Variants in TPRG1 observed in about 807,000 individuals in gnomAD.
The protein encoded by TPRG1 is tumor protein p63-regulated gene 1 protein.
TPRG1 carries 29 observed loss-of-function variants against 29.3 expected under a neutral mutation model. The observed-to-expected ratio is 0.99, with a 90% confidence interval of 0.74 to 1.35. The LOEUF is 1.35. Ranked by LOEUF, TPRG1 falls within the 40% of genes most tolerant of loss-of-function variation. The pLI, the probability that TPRG1 is intolerant of heterozygous loss-of-function variation, is 0.00. For synonymous variants in TPRG1, 130 were observed against 116.8 expected, an observed-to-expected ratio of 1.11 and a Z score of -0.73; for missense variants, 327 against 335.0, an observed-to-expected ratio of 0.98 and a Z score of 0.19.
At chr3:189,117,151 A>G (rs1410172791) in intron 1 of TPRG1, among the ~76,000 whole-genome samples, 1 of 152,158 alleles carries the variant, frequency 6.6e-6, no homozygotes, top group Non-Finnish European at 1.5e-5. Flanking sequence ...TGGGACTTAT[A>G]ATCTCAGGGC....
chr3:189,261,377 T>C (rs1011481560), intron 4 of TPRG1, among the ~76,000 whole-genome samples: 1 of 151,962 alleles, frequency 6.6e-6, no homozygotes, highest in Non-Finnish European at 1.5e-5. Flanking sequence ...TAATCACGTC[T>C]TTTTCTTGGC....
chr3:189,172,304 C>T (rs1330132073), intron 1 of TPRG1, among the ~76,000 whole-genome samples, 173 bp downstream of exon 1: 3 of 151,908 alleles, frequency 2.0e-5, no homozygotes, highest in Admixed American at 6.6e-5. Flanking sequence ...TCCTTACTGT[C>T]CAGGGTTGAT....
At chr3:189,254,657 G>A (rs1579057535) in intron 4 of TPRG1, among the ~76,000 whole-genome samples, 1 of 152,308 alleles carries the variant, frequency 6.6e-6, no homozygotes, top group East Asian at 1.9e-4. Flanking sequence ...CCATGAGCAT[G>A]GAATGTTTTT....
Position 189,321,352 on chromosome 3 carries a change from C to T in TPRG1, c.*532C>T, listed in dbSNP as rs1185684331. On this transcript the variant is annotated 3_prime_UTR_variant, in exon 6 of 6. Transcript: ENST00000345063. ...ATCTATATATCAGTGTCCCAGTGGC[C>T]TCTTAATTGAGCATTATCAAAATCC... 1.3e-5 allele frequency: 2 copies of T among 151,944 alleles called. No homozygotes were observed. The highest frequency in any genetic ancestry group is 2.9e-5 in the Non-Finnish European group (2 of 67,986). 9.4% of individuals were successfully genotyped at this position (151,944 alleles called of 1,614,324 possible).
intron 4 of TPRG1, among the ~76,000 whole-genome samples, chr3:189,038,196 C>T (rs1165727868): frequency 6.6e-6 from 1 of 151,706 alleles, no homozygotes; most frequent in Non-Finnish European, 1.5e-5. Flanking sequence ...ACAAGTAAAA[C>T]AATGGGATAA....
In TPRG1 at chr3:189,207,520, A is replaced by AGTGTGACC. The variant is rs1734581430; in HGVS notation, c.138_145dup (p.Glu49ValfsTer2). ...GCCAAGACAGATTTCAAGGCAGTCA[A>AGTGTGACC]GTGTGACCGAATCAACTCTTTACCC... On this transcript the variant is annotated frameshift_variant, in exon 2 of 6. Transcript: ENST00000345063. LOFTEE classifies it high-confidence loss of function. 6.2e-7 allele frequency: 1 copy of AGTGTGACC among 1,613,962 alleles called. No individual in the cohort carries two copies. The highest frequency in any genetic ancestry group is 1.3e-5 in the African/African-American group (1 of 74,916).
At chr3:189,092,525 C>T (rs536431815) in intron 4 of TPRG1, among the ~76,000 whole-genome samples, 2 of 149,780 alleles carry the variant, frequency 1.3e-5, no homozygotes, top group East Asian at 2.0e-4. Flanking sequence ...TGTGGCTTCT[C>T]GCTTCCGGTA....
intron 5 of TPRG1, among the ~76,000 whole-genome samples, chr3:189,157,149 G>A (rs7643011): frequency 6.6e-6 from 1 of 151,690 alleles, no homozygotes. Flanking sequence ...TTTCAAAGAG[G>A]CTTCATGGGG....
intron 4 of TPRG1, among the ~76,000 whole-genome samples, chr3:189,268,402 T>G: frequency 6.6e-6 from 1 of 152,192 alleles, no homozygotes; most frequent in Non-Finnish European, 1.5e-5. Context: ...AGTAATGGAC[T>G]GAACCCAGGT....
At chr3:189,285,345 G>A (rs1180888657) in intron 4 of TPRG1, among the ~76,000 whole-genome samples, 7 of 152,180 alleles carry the variant, frequency 4.6e-5, no homozygotes, top group East Asian at 1.9e-4. Flanking sequence ...AAAGGCGGGC[G>A]TAGGCTGCTA....
intron 4 of TPRG1, among the ~76,000 whole-genome samples, chr3:189,049,904 A>G (rs1715209904): frequency 6.6e-6 from 1 of 152,198 alleles, no homozygotes; most frequent in Non-Finnish European, 1.5e-5. Context: ...GACACAACCT[A>G]TCAAAACCTC....
At chr3:189,133,332 A>G (rs1723321890) in intron 3 of TPRG1, among the ~76,000 whole-genome samples, 1 of 152,186 alleles carries the variant, frequency 6.6e-6, no homozygotes, top group South Asian at 2.1e-4. Context: ...GGAAAAGGCA[A>G]AGGAGCAAGA....
chr3:189,059,328 C>T (rs1367244989), intron 4 of TPRG1, among the ~76,000 whole-genome samples: 2 of 152,190 alleles, frequency 1.3e-5, no homozygotes, highest in Admixed American at 1.3e-4. Context: ...TGCAGTGGCT[C>T]ATGCCTGTAA....
At chr3:189,155,787 G>A (rs1330992717) in intron 5 of TPRG1, among the ~76,000 whole-genome samples, 2 of 152,174 alleles carry the variant, frequency 1.3e-5, no homozygotes, top group East Asian at 3.8e-4. Flanking sequence ...TGAAGATATT[G>A]AACTCATAGA....
chr3:189,051,776 C>G (rs1325549682), intron 4 of TPRG1, among the ~76,000 whole-genome samples: 1 of 151,968 alleles, frequency 6.6e-6, no homozygotes, highest in Non-Finnish European at 1.5e-5. Context: ...AATAGAGAAC[C>G]CAGAAATAAA....
At chr3:189,007,152 C>T (rs1051294165) in intron 3 of TPRG1, among the ~76,000 whole-genome samples, 1 of 151,956 alleles carries the variant, frequency 6.6e-6, no homozygotes, top group Non-Finnish European at 1.5e-5. Flanking sequence ...ACTCATCTGA[C>T]AAAGGGCTAA....
At chr3:189,094,051 C>T (rs56769958) in intron 4 of TPRG1, among the ~76,000 whole-genome samples, 7,069 of 152,156 alleles carry the variant, frequency 0.046, 536 homozygotes, top group African/African-American at 0.16. Context: ...AAGATACAGC[C>T]TCCAAACACA....
intron 4 of TPRG1, among the ~76,000 whole-genome samples, chr3:189,045,471 G>A (rs982216728): frequency 2.0e-5 from 3 of 152,228 alleles, no homozygotes; most frequent in Admixed American, 2.0e-4. Flanking sequence ...CTTGGAATTA[G>A]ATGTCTGGAC....
At chr3:189,211,410 T>A (rs924110810) in intron 2 of TPRG1, among the ~76,000 whole-genome samples, 2 of 152,164 alleles carry the variant, frequency 1.3e-5, no homozygotes, top group African/African-American at 4.8e-5. Context: ...AAATTAGATT[T>A]ACAAAGAGGT....
Sources: allele counts gnomAD v4.1 joint callset (sites outside exome capture counted in the v4.1 genomes callset), GRCh38; gene constraint gnomAD v4.1.1; transcripts MANE v1.5; gene names NCBI Gene and HGNC (gene_info 2026-07-23, HGNC 2026-07-21).